The following BTBD10 variants were observed in gnomAD, a reference collection of about 807,000 sequenced individuals.
The protein encoded by BTBD10 is BTB domain containing 10, also known as BTB/POZ domain-containing protein 10.
In BTBD10, 21 loss-of-function variants were observed where a neutral mutation model predicts 53.2. That is an observed-to-expected ratio of 0.39 (90% CI 0.28 to 0.57). The LOEUF (loss-of-function observed/expected upper bound fraction) is 0.57, where lower values mean the gene tolerates loss of function less well. BTBD10 is among the 20% of genes least tolerant of loss of function. The pLI is 0.53. For synonymous variants in BTBD10, 149 were observed against 192.7 expected, an observed-to-expected ratio of 0.77 and a Z score of 1.88; for missense variants, 360 against 594.7, an observed-to-expected ratio of 0.61 and a Z score of 4.10.
intron 2 of BTBD10, among the ~76,000 whole-genome samples, chr11:13,437,208 T>C (rs80182378): frequency 0.015 from 2,336 of 152,336 alleles, 55 homozygotes; most frequent in African/African-American, 0.053. Flanking sequence ...TACTCTACTC[T>C]TCCATTAATT....
rs761832637 is a variant in BTBD10, at chr11:13,445,007, A to G, written c.101+17T>C. 8.2e-6 allele frequency: 13 copies of G among 1,575,964 alleles called. No homozygotes were observed. Among genetic ancestry groups the G allele is most frequent in the Non-Finnish European group, 1.0e-5 (12 of 1,146,300 alleles). On this transcript the variant is annotated intron_variant, in intron 2 of 8. Coordinates refer to ENST00000278174, the MANE Select transcript of BTBD10 (RefSeq NM_032320.7). Reference sequence around the variant, plus strand: ...TTAGCAGAGCTTTCATATGCGAAATACATATTTTCTACCTACCTTGAATGT... The same window carrying G: ...TTAGCAGAGCTTTCATATGCGAAATGCATATTTTCTACCTACCTTGAATGT...
chr11:13,458,157 AACTGTTC>A (rs1951012419), intron 1 of BTBD10, among the ~76,000 whole-genome samples: 1 of 151,540 alleles, frequency 6.6e-6, no homozygotes. Flanking sequence ...AAAAAAAAAA[AACTGTTC>A]CAGTCTACTG....
chr11:13,398,927 G>C (rs1310004429), intron 8 of BTBD10, among the ~76,000 whole-genome samples: 1 of 152,156 alleles, frequency 6.6e-6, no homozygotes, highest in African/African-American at 2.4e-5. Flanking sequence ...TAGTCTGATG[G>C]GCTTCCCTTT....
At chr11:13,453,030 A>G (rs1441670009) in intron 1 of BTBD10, among the ~76,000 whole-genome samples, 1 of 152,170 alleles carries the variant, frequency 6.6e-6, no homozygotes, top group Non-Finnish European at 1.5e-5. Context: ...TATATACATA[A>G]TGAATACATC....
intron 8 of BTBD10, among the ~76,000 whole-genome samples, chr11:13,389,952 A>G (rs1195772940): frequency 6.6e-6 from 1 of 152,160 alleles, no homozygotes; most frequent in Non-Finnish European, 1.5e-5. Context: ...ATATCATTTT[A>G]ACATTACTAC....
intron 1 of BTBD10, among the ~76,000 whole-genome samples, chr11:13,447,395 T>A (rs1468489918): frequency 6.6e-6 from 1 of 152,222 alleles, no homozygotes; most frequent in Non-Finnish European, 1.5e-5. Flanking sequence ...TATCTGGGAA[T>A]ACAGACTAAC....
intron 2 of BTBD10, among the ~76,000 whole-genome samples, chr11:13,441,115 A>G (rs1950639959): frequency 6.6e-6 from 1 of 152,208 alleles, no homozygotes; most frequent in South Asian, 2.1e-4. Flanking sequence ...AGTAATTTTT[A>G]AACTAATTTT....
chr11:13,430,181 T>C (rs1950420754), intron 2 of BTBD10, among the ~76,000 whole-genome samples: 1 of 152,136 alleles, frequency 6.6e-6, no homozygotes, highest in Non-Finnish European at 1.5e-5. Flanking sequence ...AAATCATGTA[T>C]CTGATAGAGG....
chr11:13,443,273 G>T (rs901317195), intron 2 of BTBD10, among the ~76,000 whole-genome samples: 3 of 151,362 alleles, frequency 2.0e-5, no homozygotes, highest in African/African-American at 4.9e-5. Context: ...AATAAAAACA[G>T]CACTAAAAAG....
chr11:13,405,894 T>C (rs1364789757), intron 6 of BTBD10, 38 bp from the exon 7 acceptor site: 1 of 1,594,216 alleles, frequency 6.3e-7, no homozygotes, highest in Non-Finnish European at 8.6e-7. Flanking sequence ...ACCAAAACTT[T>C]TCCTAAAAAG....
chr11:13,422,573 C>T (rs1950265120), intron 2 of BTBD10, among the ~76,000 whole-genome samples: 1 of 151,632 alleles, frequency 6.6e-6, no homozygotes, highest in Non-Finnish European at 1.5e-5. Context: ...GTCTGGGAGG[C>T]GAAGGTTGCG....
intron 1 of BTBD10, among the ~76,000 whole-genome samples, chr11:13,452,068 A>C (rs568640386): frequency 1.4e-4 from 22 of 152,358 alleles, no homozygotes; most frequent in African/African-American, 5.3e-4. Context: ...CATAGAATAA[A>C]GAGCAAGAAA....
At chr11:13,441,862 A>G (rs1950657794) in intron 2 of BTBD10, among the ~76,000 whole-genome samples, 1 of 152,180 alleles carries the variant, frequency 6.6e-6, no homozygotes, top group African/African-American at 2.4e-5. Flanking sequence ...CATATTTCTC[A>G]GTCTCCCTGA....
At position 13,401,888 on chromosome 11, in the gene BTBD10, G is replaced by T. The variant is rs141053144; in HGVS notation, c.1117+1280C>A. On this transcript the variant is annotated intron_variant, in intron 8 of 8. Transcript: ENST00000278174. ...AATCTCCTCCTCATTTATTATACCA[G>T]ACATATGTATGTTTTCTGTACCACA... Among the ~76,000 whole-genome samples the T allele has an allele frequency of 2.0e-5, 3 of 152,178 alleles. No homozygotes were observed. In the East Asian group the frequency reaches 5.8e-4, roughly 29 times the overall value.
chr11:13,449,605 C>T (rs1170696746), intron 1 of BTBD10, among the ~76,000 whole-genome samples: 1 of 152,146 alleles, frequency 6.6e-6, no homozygotes, highest in Admixed American at 6.5e-5. Context: ...AGTCCATTTT[C>T]TGTTGCTGTA....
At chr11:13,439,855 G>C in intron 2 of BTBD10, 1 of 1,481,354 alleles carries the variant, frequency 6.8e-7, no homozygotes, top group East Asian at 2.5e-5. Context: ...TTATAACCCA[G>C]AGATATCATG....
chr11:13,403,670 A>T (rs1415069421), intron 7 of BTBD10, among the ~76,000 whole-genome samples: 3 of 152,230 alleles, frequency 2.0e-5, no homozygotes, highest in Non-Finnish European at 4.4e-5. Context: ...TACAAGGCCT[A>T]GTCTAGAGGC....
intron 8 of BTBD10, among the ~76,000 whole-genome samples, chr11:13,396,460 T>C (rs1949553881): frequency 6.6e-6 from 1 of 152,240 alleles, no homozygotes; most frequent in African/African-American, 2.4e-5. Flanking sequence ...TGGGGTTTTC[T>C]AGATATACAA....
chr11:13,421,102 T>C (rs1455834873), intron 3 of BTBD10, among the ~76,000 whole-genome samples: 2 of 57,214 alleles, frequency 3.5e-5, no homozygotes, highest in Non-Finnish European at 5.3e-5. Context: ...TGGTGTTTTA[T>C]AGTTATATGT....
Sources: allele counts gnomAD v4.1 joint callset (sites outside exome capture counted in the v4.1 genomes callset), GRCh38; gene constraint gnomAD v4.1.1; transcripts MANE v1.5; gene names NCBI Gene and HGNC (gene_info 2026-07-23, HGNC 2026-07-21).